Variants in KLHL28 observed in about 807,000 individuals in gnomAD.
The protein encoded by KLHL28 is kelch like family member 28.
Under a neutral mutation model 48.3 loss-of-function variants are expected in KLHL28, and 22 were observed. The ratio of observed to expected loss-of-function variants is 0.46; its 90% confidence interval spans 0.33 to 0.65. The LOEUF (loss-of-function observed/expected upper bound fraction) is 0.65, where lower values mean the gene tolerates loss of function less well. KLHL28 is among the 30% of genes least tolerant of loss of function. KLHL28 has a pLI of 0.03. For missense variants in KLHL28, 527 were observed against 704.3 expected, an observed-to-expected ratio of 0.75 and a Z score of 2.85; for synonymous variants, 243 against 242.4, an observed-to-expected ratio of 1.00 and a Z score of -0.02.
intron 1 of KLHL28, among the ~76,000 whole-genome samples, chr14:44,959,832 A>G (rs1488184418): frequency 1.3e-5 from 2 of 152,146 alleles, no homozygotes; most frequent in Non-Finnish European, 2.9e-5. Flanking sequence ...CTAAAAATTG[A>G]TTACAAATTT....
At chr14:44,960,459 A>G (rs941422440) in intron 1 of KLHL28, among the ~76,000 whole-genome samples, 2 of 152,200 alleles carry the variant, frequency 1.3e-5, no homozygotes, top group Non-Finnish European at 2.9e-5. Context: ...AAGTCTACAC[A>G]TTTGAGCTTC....
rs184205401 is a variant in KLHL28 at position 44,930,625 on chromosome 14, T to A, written c.1552+708A>T. ...TCAAAGAAAGTGTTCACTTAAGCAT[T>A]TCACACTTTAGATTTTTGAACTTGG... On this transcript the variant is annotated intron_variant, in intron 4 of 4. Coordinates refer to ENST00000396128, the MANE Select transcript of KLHL28 (RefSeq NM_017658.5). 3.3e-5 allele frequency among the ~76,000 whole-genome samples: 5 copies of A among 152,320 alleles called. No individual in the cohort carries two copies. The East Asian group carries it at 7.7e-4, about 24-fold the overall frequency.
intron 4 of KLHL28, 102 bp downstream of exon 4, chr14:44,931,231 A>C: frequency 1.7e-6 from 1 of 581,510 alleles, no homozygotes; most frequent in Non-Finnish European, 2.7e-6. Context: ...TTTTCTGGAC[A>C]AGTAATATTC....
At chr14:44,931,718 C>T (rs1212141528) in intron 3 of KLHL28, among the ~76,000 whole-genome samples, 177 bp from the exon 4 acceptor site, 3 of 152,260 alleles carry the variant, frequency 2.0e-5, no homozygotes, top group East Asian at 1.9e-4. Flanking sequence ...AAAAGCTTAC[C>T]TTGTAAACAA....
At chr14:44,942,798 T>G (rs1294116656) in intron 2 of KLHL28, among the ~76,000 whole-genome samples, 1 of 152,192 alleles carries the variant, frequency 6.6e-6, no homozygotes, top group African/African-American at 2.4e-5. Context: ...ATCCCCCAGA[T>G]GGGATAAATG....
rs201609162 is a variant in KLHL28, at chr14:44,931,556, A to G, written c.1344-15T>C. 6.3e-7 allele frequency: 1 copy of G among 1,590,354 alleles called. No homozygotes were observed. Among genetic ancestry groups the G allele is most frequent in the East Asian group, 2.2e-5 (1 of 44,734 alleles). On this transcript the variant is annotated splice_polypyrimidine_tract_variant and intron_variant, in intron 3 of 4. Coordinates refer to ENST00000396128, the MANE Select transcript of KLHL28 (RefSeq NM_017658.5). ...AACGCTCCACACTGCAAATATTTAAAAAAAATTTAATTTACAGATCTTTTG... is the reference window on the plus strand; with the variant it reads ...AACGCTCCACACTGCAAATATTTAAGAAAAATTTAATTTACAGATCTTTTG...
At chr14:44,943,852 C>T (rs1033643713) in intron 2 of KLHL28, among the ~76,000 whole-genome samples, 75 of 151,676 alleles carry the variant, frequency 4.9e-4, no homozygotes, top group African/African-American at 1.8e-3. Context: ...TTAGCTGGGA[C>T]TACAGGAGTG....
In KLHL28 at chr14:44,927,208, A is replaced by G. The variant is rs1390570750; in HGVS notation, c.*1820T>C. The G allele has an allele frequency of 6.6e-6, 1 of 152,618 alleles. No individual in the cohort carries two copies. Among genetic ancestry groups the G allele is most frequent in the African/African-American group, 2.4e-5 (1 of 41,460 alleles). 9.5% of individuals were successfully genotyped at this position (152,618 alleles called of 1,614,324 possible). Reference sequence around the variant, plus strand: ...AAATATTCATAAAGCATGATACTACATTTATGATTAAAAATGATTTTACAT... The same window carrying G: ...AAATATTCATAAAGCATGATACTACGTTTATGATTAAAAATGATTTTACAT... On this transcript the variant is annotated 3_prime_UTR_variant, in exon 5 of 5. Transcript: ENST00000396128.
At chr14:44,940,413 G>A (rs1884019456) in intron 2 of KLHL28, among the ~76,000 whole-genome samples, 1 of 152,192 alleles carries the variant, frequency 6.6e-6, no homozygotes, top group Non-Finnish European at 1.5e-5. Flanking sequence ...GATGAGTGAT[G>A]TGGCTGAATG....
At chr14:44,950,059 G>A (rs1049223893) in intron 1 of KLHL28, among the ~76,000 whole-genome samples, 22 of 152,172 alleles carry the variant, frequency 1.4e-4, no homozygotes, top group African/African-American at 5.1e-4. Flanking sequence ...GGGAAAAAAG[G>A]AGGTCTGAGT....
At position 44,929,204 on chromosome 14, in the gene KLHL28, G is replaced by T; in HGVS notation, c.1553-13C>A. The T allele has an allele frequency of 6.3e-7, 1 of 1,576,046 alleles. No individual in the cohort carries two copies. Among genetic ancestry groups the T allele is most frequent in the Non-Finnish European group, 8.6e-7 (1 of 1,160,588 alleles). On this transcript the variant is annotated splice_polypyrimidine_tract_variant and intron_variant, in intron 4 of 4. Transcript: ENST00000396128. ...GCAGCACCAACTCCTAGGAAAGGTT[G>T]GCAAAAAGAAGATAGAAACATGTTA...
intron 2 of KLHL28, 102 bp from the exon 3 acceptor site, chr14:44,934,660 G>A: frequency 4.5e-6 from 4 of 883,106 alleles, no homozygotes; most frequent in Non-Finnish European, 3.3e-6. Flanking sequence ...AAAATTAAAA[G>A]CACAATAAAC....
At chr14:44,960,181 T>C (rs1483960868) in intron 1 of KLHL28, among the ~76,000 whole-genome samples, 1 of 152,234 alleles carries the variant, frequency 6.6e-6, no homozygotes, top group African/African-American at 2.4e-5. Context: ...AGACTCATCT[T>C]GCTTTGTTCC....
At chr14:44,950,627 G>C (rs979602084) in intron 1 of KLHL28, among the ~76,000 whole-genome samples, 1 of 152,068 alleles carries the variant, frequency 6.6e-6, no homozygotes, top group Non-Finnish European at 1.5e-5. Context: ...TTGGTACCAG[G>C]CTTCCCGGGT....
intron 1 of KLHL28, among the ~76,000 whole-genome samples, chr14:44,958,356 G>T (rs931126098): frequency 1.3e-5 from 2 of 151,226 alleles, no homozygotes; most frequent in African/African-American, 4.9e-5. Flanking sequence ...ATCACACCCA[G>T]AGTAAATAAA....
chr14:44,928,910 A>C lies in KLHL28; in HGVS notation c.*118T>G. The C allele has an allele frequency of 1.2e-6, 1 of 869,562 alleles. No homozygotes were observed. Among genetic ancestry groups the C allele is most frequent in the Non-Finnish European group, 1.7e-6 (1 of 574,506 alleles). The allele number at this position is 869,562 out of a possible 1,614,324, so 53.9% of individuals were successfully genotyped here. A position where few individuals can be genotyped will look rare whatever the true frequency, so the allele number is the denominator to read the frequency against. ...TACCCAACAAAACTTTTGAGCCTTC[A>C]TGCTACTTCAAGTTAAAAAGAAAGC... On this transcript the variant is annotated 3_prime_UTR_variant, in exon 5 of 5. Coordinates refer to ENST00000396128, the MANE Select transcript of KLHL28 (RefSeq NM_017658.5).
At chr14:44,950,471 T>C (rs1159180850) in intron 1 of KLHL28, among the ~76,000 whole-genome samples, 8 of 152,204 alleles carry the variant, frequency 5.3e-5, no homozygotes, top group Admixed American at 5.2e-4. Context: ...AATTCAAAAC[T>C]GGTACACCAT....
At chr14:44,935,279 T>C (rs1883760101) in intron 2 of KLHL28, among the ~76,000 whole-genome samples, 1 of 152,176 alleles carries the variant, frequency 6.6e-6, no homozygotes. Flanking sequence ...GGAATGAAGA[T>C]AGTGGTCACT....
At chr14:44,940,629 T>A (rs983345415) in intron 2 of KLHL28, among the ~76,000 whole-genome samples, 5 of 152,156 alleles carry the variant, frequency 3.3e-5, no homozygotes, top group East Asian at 1.9e-4. Context: ...ATTGGACAAG[T>A]GCTGTTTTAA....
Sources: allele counts gnomAD v4.1 joint callset (sites outside exome capture counted in the v4.1 genomes callset), GRCh38; gene constraint gnomAD v4.1.1; transcripts MANE v1.5; gene names NCBI Gene and HGNC (gene_info 2026-07-23, HGNC 2026-07-21).